Variants in ASB5 observed in about 807,000 individuals in gnomAD.
ASB5 encodes the protein ankyrin repeat and SOCS box protein 5.
ASB5 carries 45 observed loss-of-function variants against 42.1 expected under a neutral mutation model. The observed-to-expected ratio is 1.07, with a 90% CI of 0.84 to 1.37. The LOEUF is 1.37. ASB5 is among the 40% of genes most tolerant of loss of function. The pLI is 0.00. For missense variants in ASB5, 402 were observed against 399.8 expected (o/e 1.01, Z -0.05); for synonymous variants, 147 against 150.6 (o/e 0.98, Z 0.18).
intron 1 of ASB5, among the ~76,000 whole-genome samples, chr4:176,260,661 C>G (rs576755959): frequency 1.3e-5 from 2 of 152,048 alleles, no homozygotes; most frequent in South Asian, 4.2e-4. Context: ...TTTGTTGTTG[C>G]TGTTGTTTGT....
chr4:176,220,343 A>G (rs941558178), intron 5 of ASB5, among the ~76,000 whole-genome samples: 40 of 152,200 alleles, frequency 2.6e-4, no homozygotes, highest in Non-Finnish European at 8.8e-5. Flanking sequence ...AGTAGTGCAT[A>G]AAAGGGCTAC....
intron 1 of ASB5, among the ~76,000 whole-genome samples, chr4:176,235,024 T>A (rs1452776410): frequency 2.0e-5 from 3 of 152,184 alleles, no homozygotes; most frequent in Non-Finnish European, 4.4e-5. Flanking sequence ...CTCCGTTCTT[T>A]TGAATGTCCA....
chr4:176,215,932 A>G (rs1240686807), intron 6 of ASB5, among the ~76,000 whole-genome samples: 2 of 152,132 alleles, frequency 1.3e-5, no homozygotes, highest in South Asian at 2.1e-4. Flanking sequence ...TTCCATATAC[A>G]TTCCTTAAAA....
upstream of ASB5, among the ~76,000 whole-genome samples, chr4:176,271,914 G>A (rs1358924208): frequency 1.3e-5 from 2 of 151,802 alleles, no homozygotes; most frequent in Non-Finnish European, 2.9e-5. Context: ...GAGCAAATAC[G>A]ACTCATACAT....
chr4:176,231,020 T>C (rs971233371), intron 1 of ASB5, among the ~76,000 whole-genome samples: 1 of 152,214 alleles, frequency 6.6e-6, no homozygotes, highest in Non-Finnish European at 1.5e-5. Context: ...GCTCTGCCTA[T>C]ATTTAGAAGC....
intron 1 of ASB5, among the ~76,000 whole-genome samples, chr4:176,231,678 A>T (rs1368928948): frequency 2.8e-5 from 3 of 106,534 alleles, no homozygotes; most frequent in Non-Finnish European, 5.7e-5. Flanking sequence ...AAAAAAAAAA[A>T]TGTAAATTAA....
chr4:176,252,080 A>AG (rs1754049831), intron 1 of ASB5, among the ~76,000 whole-genome samples: 1 of 42,130 alleles, frequency 2.4e-5, no homozygotes, highest in Non-Finnish European at 4.8e-5. Flanking sequence ...AAAAAAAAAA[A>AG]AAAGAAAAAA....
intron 1 of ASB5, among the ~76,000 whole-genome samples, chr4:176,245,499 A>G (rs933757687): frequency 3.9e-5 from 6 of 152,192 alleles, no homozygotes; most frequent in African/African-American, 1.2e-4. Flanking sequence ...CGATTCCTCA[A>G]GGATCTAGAA....
At chr4:176,219,187 T>TATAAATATATATATTTGTATGACAG (rs1561250776) in intron 5 of ASB5, among the ~76,000 whole-genome samples, 2 of 120,678 alleles carry the variant, frequency 1.7e-5, no homozygotes, top group Non-Finnish European at 3.1e-5. Flanking sequence ...TTGTATGACA[T>TATAAATATATATATTTGTATGACAG]ATAAATATAT....
intron 1 of ASB5, among the ~76,000 whole-genome samples, chr4:176,249,827 A>C (rs1218224574): frequency 1.3e-5 from 2 of 152,036 alleles, no homozygotes; most frequent in African/African-American, 4.8e-5. Context: ...GCACTTTGGG[A>C]GGCCGAGGCG....
intron 1 of ASB5, among the ~76,000 whole-genome samples, chr4:176,229,827 C>T (rs1397513980): frequency 6.6e-6 from 1 of 152,204 alleles, no homozygotes; most frequent in Non-Finnish European, 1.5e-5. Flanking sequence ...GCCCATCTTG[C>T]AGGAACAAGG....
intron 1 of ASB5, chr4:176,237,562 T>A: frequency 2.0e-6 from 2 of 985,654 alleles, no homozygotes; most frequent in Non-Finnish European, 2.4e-6. Context: ...TAACTTGAGA[T>A]GTCTTCAACA....
At chr4:176,260,143 A>G (rs1470105875) in intron 1 of ASB5, among the ~76,000 whole-genome samples, 1 of 152,222 alleles carries the variant, frequency 6.6e-6, no homozygotes, top group African/African-American at 2.4e-5. Flanking sequence ...TCTTTGAAGA[A>G]AAAATTATTA....
At chr4:176,230,765 G>A (rs915491796) in intron 1 of ASB5, among the ~76,000 whole-genome samples, 12 of 152,034 alleles carry the variant, frequency 7.9e-5, no homozygotes, top group African/African-American at 2.7e-4. Flanking sequence ...AGAGATTTAC[G>A]AGCCATCTCA....
chr4:176,225,493 T>A, intron 1 of ASB5, 152 bp from the exon 2 acceptor site: 1 of 629,166 alleles, frequency 1.6e-6, no homozygotes, highest in Non-Finnish European at 2.7e-6. Flanking sequence ...CATTAGGAAA[T>A]TTGACTCTTA....
Position 176,276,884 on chromosome 4 carries a change from C to G in ASB5, c.-201+345G>C, listed in dbSNP as rs148398668. ...CCACCTTAAAGCCTCGACATTTGCT[C>G]TGATGAGCATCTAGCAGCTGACATG... On this transcript the variant is annotated intron_variant, in intron 1 of 2. Coordinates refer to the ASB5 transcript ENST00000505299. Among the ~76,000 whole-genome samples, 785 of 152,300 alleles carry G rather than the reference C, an allele frequency of 5.2e-3. 7 individuals carry two copies. The highest frequency in any genetic ancestry group is 0.018 in the African/African-American group (764 of 41,546).
chr4:176,217,991 A>G (rs1477586409), intron 5 of ASB5, among the ~76,000 whole-genome samples: 2 of 151,446 alleles, frequency 1.3e-5, no homozygotes, highest in Non-Finnish European at 2.9e-5. Flanking sequence ...CAAATATAAA[A>G]TGTTTCGTGA....
intron 1 of ASB5, 118 bp downstream of exon 1, chr4:176,268,795 C>T: frequency 4.6e-6 from 4 of 869,714 alleles, no homozygotes; most frequent in Admixed American, 3.5e-5. Flanking sequence ...CAAGTATTTC[C>T]CTTAACAAAA....
intron 6 of ASB5, among the ~76,000 whole-genome samples, chr4:176,216,345 A>G (rs113363414): frequency 0.011 from 1,704 of 152,212 alleles, 33 homozygotes; most frequent in African/African-American, 0.039. Context: ...GAGAAAATTA[A>G]AATTATCATT....
Sources: gnomAD v4.1 joint callset for allele counts (sites outside exome capture counted in the v4.1 genomes callset) on GRCh38, gnomAD v4.1.1 for gene constraint, MANE v1.5 for transcripts, NCBI Gene and HGNC (gene_info 2026-07-23, HGNC 2026-07-21) for gene names.